BRD4: variants seen among roughly 807,000 people sequenced by gnomAD.
BRD4 encodes bromodomain containing 4.
In BRD4, 16 loss-of-function variants were observed where a neutral mutation model predicts 142.1. The observed-to-expected ratio is 0.11, with a 90% confidence interval of 0.08 to 0.17. The LOEUF is 0.17. Among genes scored for constraint, BRD4 ranks in the 10% least tolerant of loss-of-function variants. The probability of loss-of-function intolerance (pLI) is 1.00; values close to 1 mark genes in which losing one functional copy is unlikely to be tolerated. For synonymous variants in BRD4, 833 were observed against 707.5 expected (o/e 1.18, Z -2.82); for missense variants, 1,424 against 1,810.9 (o/e 0.79, Z 3.88).
intron 4 of BRD4, among the ~76,000 whole-genome samples, chr19:15,266,759 A>C (rs2047538337): frequency 6.6e-6 from 1 of 152,172 alleles, no homozygotes; most frequent in African/African-American, 2.4e-5. Context: ...AACAACTCAC[A>C]CTCAGGGACC....
chr19:15,320,469 G>C (rs75543389), intron 1 of BRD4, among the ~76,000 whole-genome samples: 1 of 152,128 alleles, frequency 6.6e-6, no homozygotes, highest in Non-Finnish European at 1.5e-5. Flanking sequence ...ATACCATACA[G>C]ATTACATAAG....
In BRD4 at chr19:15,244,249, C is replaced by A. The variant is rs199540579; in HGVS notation, c.2563G>T (p.Ala855Ser). The A allele has an allele frequency of 1.3e-6, 2 of 1,573,378 alleles. No individual in the cohort carries two copies. Among genetic ancestry groups the A allele is most frequent in the South Asian group, 1.2e-5 (1 of 85,984 alleles). The change falls in exon 13 of 20, where the codon GCA becomes TCA. Residue 855 changes from alanine (A) to serine (S), a missense_variant. Ala to Ser is a moderately conservative substitution (Grantham distance 99, BLOSUM62 1). This residue lies in a region of BRD4 where 598 missense variants were observed against 647.8 expected (regional missense o/e 0.92). Transcript: ENST00000679869. Reference sequence around the variant, plus strand: ...GGCTCACCTGGAGGAGAGACCACTGCGTGCTGGTTGAGATGGGGTGGAGTG... The same window carrying A: ...GGCTCACCTGGAGGAGAGACCACTGAGTGCTGGTTGAGATGGGGTGGAGTG... ...HSTPPHLNQHAVVSPPALHNA... is the reference protein window; with the variant it reads ...HSTPPHLNQHSVVSPPALHNA...
At chr19:15,321,911 A>T (rs573367653) in intron 1 of BRD4, among the ~76,000 whole-genome samples, 76 of 152,296 alleles carry the variant, frequency 5.0e-4, no homozygotes, top group African/African-American at 1.8e-3. Flanking sequence ...CAGTGGGTAC[A>T]GGGAAGAAAC....
chr19:15,250,924 G>C (rs1480058396), intron 11 of BRD4, among the ~76,000 whole-genome samples: 1 of 152,192 alleles, frequency 6.6e-6, no homozygotes, highest in African/African-American at 2.4e-5. Context: ...AGATGCCCTA[G>C]GGGTGGTGGG....
At chr19:15,298,473 T>G (rs993762057) in intron 1 of BRD4, among the ~76,000 whole-genome samples, 32 of 151,512 alleles carry the variant, frequency 2.1e-4, no homozygotes, top group Non-Finnish European at 2.8e-4. Context: ...ATACAAAAAT[T>G]AGCCCGGCAC....
At position 15,256,352 on chromosome 19, in the gene BRD4, G is replaced by A. The variant is rs546553162; in HGVS notation, c.1552-89C>T. ...CAGGCGTCTGCTCCAAAAAACATGC[G>A]ACAGCATGCACCTGGGGCATCAGGG... On this transcript the variant is annotated intron_variant, in intron 8 of 19. Coordinates refer to ENST00000679869, the MANE Select transcript of BRD4 (RefSeq NM_001379291.1). 157 of 1,493,988 alleles carry A rather than the reference G, an allele frequency of 1.1e-4. No individual in the cohort carries two copies. In the African/African-American group the frequency reaches 1.3e-3, roughly 12 times the overall value. The allele number at this position is 1,493,988 out of a possible 1,614,324, so 92.5% of individuals were successfully genotyped here.
chr19:15,316,925 C>T (rs1297686953), intron 1 of BRD4, among the ~76,000 whole-genome samples: 3 of 152,208 alleles, frequency 2.0e-5, no homozygotes, highest in Non-Finnish European at 4.4e-5. Flanking sequence ...AGCCCCCTTC[C>T]TATGCTCCCA....
At chr19:15,266,023 G>A (rs2047530731) in intron 4 of BRD4, among the ~76,000 whole-genome samples, 3 of 152,214 alleles carry the variant, frequency 2.0e-5, no homozygotes, top group Non-Finnish European at 2.9e-5. Context: ...TGCCTTCTGA[G>A]TAAGAGCTTC....
chr19:15,239,636 C>A lies in BRD4; in HGVS notation c.3445+23G>T. On this transcript the variant is annotated intron_variant, in intron 16 of 19. Coordinates refer to ENST00000679869, the MANE Select transcript of BRD4 (RefSeq NM_001379291.1). This position sits in a 1 kb window ranked among gnomAD's most constrained non-coding sequence, Gnocchi z 7.4. ...GGGCCTCGGGGGGCCTGAGCCCTGG[C>A]TGTGGGCAGGGAGAGCACTCACGCT... 6.4e-7 allele frequency: 1 copy of A among 1,563,628 alleles called. No homozygotes were observed. Among genetic ancestry groups the A allele is most frequent in the Non-Finnish European group, 8.6e-7 (1 of 1,164,106 alleles).
At chr19:15,317,299 CA>C (rs1873056095) in intron 1 of BRD4, among the ~76,000 whole-genome samples, 1 of 152,158 alleles carries the variant, frequency 6.6e-6, no homozygotes, top group Admixed American at 6.6e-5. Flanking sequence ...GAACAATCAG[CA>C]GCAGTGTGCT....
rs114180337 is a variant in BRD4, at chr19:15,253,940, G to A, written c.2158+212C>T. ...CAGACCCTGGCAGGGAGAGCATAAC[G>A]GCCAGGCCGAGAGAATGGACACTAC... On this transcript the variant is annotated intron_variant, in intron 11 of 19. Coordinates refer to ENST00000679869, the MANE Select transcript of BRD4 (RefSeq NM_001379291.1). 1.4e-3 allele frequency: 996 copies of A among 737,386 alleles called. 8 individuals carry two copies. In the African/African-American group the frequency reaches 0.016, roughly 12 times the overall value. The allele number at this position is 737,386 out of a possible 1,614,324, so 45.7% of individuals were successfully genotyped here. A position where few individuals can be genotyped will look rare whatever the true frequency, so the allele number is the denominator to read the frequency against.
At chr19:15,312,898 T>C (rs1463408367) in intron 1 of BRD4, among the ~76,000 whole-genome samples, 4 of 152,088 alleles carry the variant, frequency 2.6e-5, no homozygotes. Flanking sequence ...GTCATGTCAT[T>C]GCACTCCAGC....
intron 1 of BRD4, among the ~76,000 whole-genome samples, chr19:15,281,422 G>A (rs923007855): frequency 2.0e-4 from 30 of 152,330 alleles, no homozygotes; most frequent in African/African-American, 7.0e-4. Flanking sequence ...CTTGCAGTCA[G>A]GAGGCCAGGA....
At chr19:15,273,398 G>A (rs1305693327) in intron 1 of BRD4, among the ~76,000 whole-genome samples, 1 of 152,240 alleles carries the variant, frequency 6.6e-6, no homozygotes, top group Non-Finnish European at 1.5e-5. Context: ...AGCCAGCAAA[G>A]GCTCTGGGAA....
Position 15,265,652 on chromosome 19 carries a change from CATAAT to C in BRD4, c.560-14_560-10del, listed in dbSNP as rs1568389126. 5 of 1,614,076 alleles carry C rather than the reference CATAAT, an allele frequency of 3.1e-6. No individual in the cohort carries two copies. The Admixed American group carries it at 8.3e-5, about 27-fold the overall frequency. On this transcript the variant is annotated splice_polypyrimidine_tract_variant and intron_variant, in intron 4 of 19. Coordinates refer to ENST00000679869, the MANE Select transcript of BRD4 (RefSeq NM_001379291.1). ...GCCAGGTTTTGCTGTCCCTACAAAT[CATAAT>C]AAGACGGCGAGTTAGAGACCATGCT...
rs1429949674 is a variant in BRD4, at chr19:15,332,378, CGCCCGCCGCTCTGCCGAGCTCACA to C, written c.-147_-124del. 1 of 145,918 alleles carries C rather than the reference CGCCCGCCGCTCTGCCGAGCTCACA, an allele frequency of 6.9e-6. No homozygotes were observed. The highest frequency in any genetic ancestry group is 1.5e-5 in the Non-Finnish European group (1 of 65,310). The allele number at this position is 145,918 out of a possible 1,614,324, so 9.0% of individuals were successfully genotyped here. A position where few individuals can be genotyped will look rare whatever the true frequency, so the allele number is the denominator to read the frequency against. On this transcript the variant is annotated 5_prime_UTR_variant, in exon 1 of 20. Coordinates refer to ENST00000679869, the MANE Select transcript of BRD4 (RefSeq NM_001379291.1). ...GAGCTGCCTGCGCGGCGCCGGGGCCCGCCCGCCGCTCTGCCGAGCTCACAGGCCGCGCTCGCCCGCGGGCACCGC... is the reference window on the plus strand; with the variant it reads ...GAGCTGCCTGCGCGGCGCCGGGGCCCGGCCGCGCTCGCCCGCGGGCACCGC...
intron 1 of BRD4, among the ~76,000 whole-genome samples, chr19:15,312,509 G>C (rs1294086327): frequency 3.9e-5 from 6 of 152,138 alleles, no homozygotes; most frequent in Non-Finnish European, 8.8e-5. Flanking sequence ...GTGTGCGCCT[G>C]TAATCCCAGC....
chr19:15,281,181 G>A (rs2145647442), intron 1 of BRD4, among the ~76,000 whole-genome samples: 1 of 152,380 alleles, frequency 6.6e-6, no homozygotes, highest in South Asian at 2.1e-4. Context: ...GCAGCTCTTA[G>A]AGGCCTTAAT....
chr19:15,255,583 C>T lies in BRD4; in HGVS notation c.1761G>A (p.Glu587=). 1 of 1,603,376 alleles carries T rather than the reference C, an allele frequency of 6.2e-7. No individual in the cohort carries two copies. The stretch of plus-strand genomic sequence containing the variant: ...GGGGCTTGCTCTTCATGGGCGCTGG[C>T]TCCTTCTTGCTACGAAGGGACGATG... ...NSSNSNVSKK[E]PAPMKSKPPP... is the part of the protein sequence containing the mutation. Residue 587 remains glutamate (E), a synonymous_variant, in exon 10 of 20, where the codon GAG becomes GAA. Transcript: ENST00000679869.
Sources: gnomAD v4.1 joint callset for allele counts (sites outside exome capture counted in the v4.1 genomes callset) on GRCh38, gnomAD v4.1.1 for gene constraint, gnomAD v4.1.1 regional missense constraint, Gnocchi (gnomAD v3.1) non-coding constraint, MANE v1.5 for transcripts, NCBI Gene and HGNC (gene_info 2026-07-23, HGNC 2026-07-21) for gene names.